Variants in PCDHGB3 observed in about 807,000 individuals in gnomAD.
PCDHGB3 encodes protocadherin gamma subfamily B, 3, also known as protocadherin gamma-B3.
PCDHGB3 carries 40 observed loss-of-function variants against 59.2 expected under a neutral mutation model. The ratio of observed to expected loss-of-function variants is 0.68; its 90% CI spans 0.52 to 0.88. The LOEUF is 0.88. Among genes scored for constraint, PCDHGB3 ranks in the 40% least tolerant of loss-of-function variants. The pLI is 0.00. For missense variants in PCDHGB3, 1,309 were observed against 1,187.9 expected (o/e 1.10, Z -1.50); for synonymous variants, 581 against 503.6 (o/e 1.15, Z -2.06).
Position 141,431,253 on chromosome 5 carries a change from A to G in PCDHGB3, c.2415+58444A>G, listed in dbSNP as rs1554123268. The G allele has an allele frequency of 1.2e-6, 2 of 1,614,132 alleles. No individual in the cohort carries two copies. Among genetic ancestry groups the G allele is most frequent in the South Asian group, 1.1e-5 (1 of 91,088 alleles). ...GCCTGGGATCCGGATATCGGGAAGA[A>G]CTCTCTGCAGAGCTACGAGCTCAGC... is the stretch of plus-strand genomic sequence containing the variant. On this transcript the variant is annotated intron_variant, in intron 1 of 3. Transcript: ENST00000576222. The surrounding 1 kb of genome is among the most constrained non-coding windows in gnomAD (Gnocchi z 4.8).
chr5:141,413,809 C>G, intron 1 of PCDHGB3: 1 of 1,613,188 alleles, frequency 6.2e-7, no homozygotes. Flanking sequence ...AGAGGCCATT[C>G]ACCACCTGGT....
intron 1 of PCDHGB3, chr5:141,428,082 G>T (rs776612130): frequency 1.2e-6 from 2 of 1,609,030 alleles, no homozygotes; most frequent in South Asian, 2.2e-5. Flanking sequence ...GGGACACAAC[G>T]CTTGGCTGTC....
At chr5:141,438,362 T>C (rs1471364176) in intron 1 of PCDHGB3, among the ~76,000 whole-genome samples, 1 of 151,850 alleles carries the variant, frequency 6.6e-6, no homozygotes, top group East Asian at 1.9e-4. Flanking sequence ...TGTATTGTCA[T>C]TGAGGGCAGA....
intron 1 of PCDHGB3, chr5:141,392,600 G>A: frequency 2.0e-6 from 1 of 505,338 alleles, no homozygotes; most frequent in East Asian, 3.2e-5. Context: ...TCACCTACTG[G>A]AAGACAAATG....
At chr5:141,422,636 C>T in intron 1 of PCDHGB3, 3 of 1,612,584 alleles carry the variant, frequency 1.9e-6, no homozygotes, top group Non-Finnish European at 2.5e-6. Context: ...CCCAGGGGTG[C>T]CTCCATCTTC....
In PCDHGB3 at chr5:141,430,200, T is replaced by G. The variant is rs182960813; in HGVS notation, c.2415+57391T>G. Among the ~76,000 whole-genome samples the G allele has an allele frequency of 8.2e-4, 124 of 152,052 alleles. 2 individuals are homozygous for G. Among genetic ancestry groups the G allele is most frequent in the African/African-American group, 2.9e-3 (119 of 41,468 alleles). ...CCCAAATTATAGCTGAATCAGAAAG[T>G]TTAAATTATTATATTATATGATTTG... On this transcript the variant is annotated intron_variant, in intron 1 of 3. Transcript: ENST00000576222.
chr5:141,383,316 T>C (rs1779018146), intron 1 of PCDHGB3: 3 of 1,613,880 alleles, frequency 1.9e-6, no homozygotes, highest in Non-Finnish European at 1.7e-6. Context: ...AAGAAATAAA[T>C]GTAAAAATAA....
chr5:141,390,478 ATTTG>A (rs2092157792), intron 1 of PCDHGB3: 1 of 678,524 alleles, frequency 1.5e-6, no homozygotes, highest in Admixed American at 3.1e-5. Flanking sequence ...GTGGCCCAAC[ATTTG>A]TTTGTTTTTT....
At chr5:141,444,637 G>C (rs2098443357) in intron 1 of PCDHGB3, among the ~76,000 whole-genome samples, 1 of 152,236 alleles carries the variant, frequency 6.6e-6, no homozygotes, top group Non-Finnish European at 1.5e-5. Context: ...CCAGTTCATT[G>C]AGGTAGGGGT....
intron 1 of PCDHGB3, chr5:141,390,294 TA>T: frequency 6.2e-7 from 1 of 1,613,956 alleles, no homozygotes; most frequent in South Asian, 1.1e-5. Flanking sequence ...GAGTTTCCTT[TA>T]AGTATAATTT....
At chr5:141,504,528 C>T (rs750099460) in intron 2 of PCDHGB3, among the ~76,000 whole-genome samples, 2 of 151,854 alleles carry the variant, frequency 1.3e-5, no homozygotes, top group Non-Finnish European at 2.9e-5. Flanking sequence ...ATATTTTATT[C>T]GTGTCATCAT....
Position 141,485,567 on chromosome 5 carries a change from C to G in PCDHGB3, c.2416-9240C>G. The stretch of plus-strand genomic sequence containing the variant: ...CGTAGATGTGAATGATCACGCCCCC[C>G]GTTTTCCGCGGCAGCAGCTGGACTT... On this transcript the variant is annotated intron_variant, in intron 1 of 3. Transcript: ENST00000576222. This position sits in a 1 kb window ranked among gnomAD's most constrained non-coding sequence, Gnocchi z 5.7. 1 of 1,612,882 alleles carries G rather than the reference C, an allele frequency of 6.2e-7. No individual in the cohort carries two copies. The highest frequency in any genetic ancestry group is 8.5e-7 in the Non-Finnish European group (1 of 1,178,978).
At chr5:141,494,763 C>T in intron 1 of PCDHGB3, 44 bp from the exon 2 acceptor site, 4 of 1,613,926 alleles carry the variant, frequency 2.5e-6, no homozygotes, top group Admixed American at 1.7e-5. Context: ...GACATTCTAA[C>T]TTCTCACGGG....
intron 1 of PCDHGB3, chr5:141,403,373 A>C: frequency 6.2e-7 from 1 of 1,614,074 alleles, no homozygotes; most frequent in Non-Finnish European, 8.5e-7. Flanking sequence ...TCTGGAAGTA[A>C]AAATTAACGA....
Position 141,390,134 on chromosome 5 carries a change from C to T in PCDHGB3, c.2415+17325C>T, listed in dbSNP as rs758087998. ...GCGAGGGGACTTTGCCTTATTCCTACAATCTATGTGTTGCACATACAGGAA... is the reference window on the plus strand; with the variant it reads ...GCGAGGGGACTTTGCCTTATTCCTATAATCTATGTGTTGCACATACAGGAA... On this transcript the variant is annotated intron_variant, in intron 1 of 3. Coordinates refer to ENST00000576222, the MANE Select transcript of PCDHGB3 (RefSeq NM_018924.5). The T allele has an allele frequency of 1.2e-5, 20 of 1,613,930 alleles. No homozygotes were observed. The Admixed American group carries it at 1.8e-4, about 15-fold the overall frequency.
rs1562144438 is a variant in PCDHGB3, at chr5:141,491,135, G to A, written c.2416-3672G>A. On this transcript the variant is annotated intron_variant, in intron 1 of 3. Transcript: ENST00000576222. The surrounding 1 kb of genome is among the most constrained non-coding windows in gnomAD (Gnocchi z 6.9). Reference sequence around the variant, plus strand: ...CACACTGGTGAGGTGCGCACAGCCCGGGCCTTACTGGAGGATGACTCTGAC... The same window carrying A: ...CACACTGGTGAGGTGCGCACAGCCCAGGCCTTACTGGAGGATGACTCTGAC... 4 of 1,614,104 alleles carry A rather than the reference G, an allele frequency of 2.5e-6. No homozygotes were observed. The highest frequency in any genetic ancestry group is 1.3e-5 in the African/African-American group (1 of 75,034).
chr5:141,395,181 T>C (rs758854683), intron 1 of PCDHGB3: 3 of 1,614,030 alleles, frequency 1.9e-6, no homozygotes, highest in Non-Finnish European at 2.5e-6. Context: ...GAAAAATGAT[T>C]CTTTGTTAAC....
At chr5:141,503,004 C>T (rs114294610) in intron 2 of PCDHGB3, among the ~76,000 whole-genome samples, 5,013 of 145,894 alleles carry the variant, frequency 0.034, 127 homozygotes, top group South Asian at 0.076. Context: ...CCACCATGCC[C>T]GGTTAATTTT....
chr5:141,375,429 C>T (rs1049627462), intron 1 of PCDHGB3: 1 of 1,613,840 alleles, frequency 6.2e-7, no homozygotes, highest in African/African-American at 1.3e-5. Context: ...AACGACAACC[C>T]GCCCACCTTC....
Sources: allele counts gnomAD v4.1 joint callset (sites outside exome capture counted in the v4.1 genomes callset), GRCh38; gene constraint gnomAD v4.1.1; non-coding constraint Gnocchi (gnomAD v3.1); transcripts MANE v1.5; gene names NCBI Gene and HGNC (gene_info 2026-07-23, HGNC 2026-07-21).